Variants in MCF2L2 observed in about 807,000 individuals in gnomAD.
MCF2L2 encodes MCF.2 cell line derived transforming sequence-like 2, also known as probable guanine nucleotide exchange factor MCF2L2.
Under a neutral mutation model 150.2 loss-of-function variants are expected in MCF2L2, and 102 were observed. The ratio of observed to expected loss-of-function variants is 0.68; its 90% CI spans 0.58 to 0.80. MCF2L2 has a LOEUF of 0.80. Among genes scored for constraint, MCF2L2 ranks in the 30% least tolerant of loss-of-function variants. The pLI is 0.00. For missense variants in MCF2L2, 1,256 were observed against 1,372.8 expected (o/e 0.91, Z 1.34); for synonymous variants, 465 against 491.3 (o/e 0.95, Z 0.71).
chr3:183,257,970 T>TC (rs1725207906), intron 15 of MCF2L2, among the ~76,000 whole-genome samples: 1 of 137,250 alleles, frequency 7.3e-6, no homozygotes, highest in Non-Finnish European at 1.6e-5. Context: ...TTTTTTTTTT[T>TC]TTTTTTTTTT....
intron 15 of MCF2L2, among the ~76,000 whole-genome samples, chr3:183,242,342 G>C (rs1724063614): frequency 6.6e-6 from 1 of 152,060 alleles, no homozygotes; most frequent in Non-Finnish European, 1.5e-5. Context: ...GGCATGTCAA[G>C]GACCTTTGTG....
chr3:183,190,261 A>G (rs1300088603), intron 27 of MCF2L2, among the ~76,000 whole-genome samples: 1 of 152,174 alleles, frequency 6.6e-6, no homozygotes, highest in African/African-American at 2.4e-5. Context: ...GGTCTGAGCA[A>G]TCGAACTGCT....
Position 183,338,806 on chromosome 3 carries a change from T to C in MCF2L2, c.480A>G (p.Lys160=). Residue 160 remains lysine (K), a synonymous_variant, in exon 5 of 30, where the codon AAA becomes AAG. Coordinates refer to ENST00000328913, the MANE Select transcript of MCF2L2 (RefSeq NM_015078.4). The stretch of plus-strand genomic sequence containing the variant: ...GATGAAAGGTCTTGCTTACCGGCAC[T>C]TTCGTTTTAAACTCATTTCGATAGT... ...IKYYRNEFKT[K]VPIIMVNSVS... 1 of 1,598,724 alleles carries C rather than the reference T, an allele frequency of 6.3e-7. No individual in the cohort carries two copies.
rs11340213 is a variant in MCF2L2 at position 183,367,227 on chromosome 3, C to CTT, written c.275+12068_275+12069dup. Among the ~76,000 whole-genome samples, 379 of 140,456 alleles carry CTT rather than the reference C, an allele frequency of 2.7e-3. 2 individuals are homozygous for CTT. Among genetic ancestry groups the CTT allele is most frequent in the African/African-American group, 9.4e-3 (362 of 38,524 alleles). 92.1% of individuals were successfully genotyped at this position (140,456 alleles called of 152,430 possible). ...AATGATTTCTTTTCTTTCTTTCTTT[C>CTT]TTTTTTTTTTTTTTTGAGATGGAGT... On this transcript the variant is annotated intron_variant, in intron 3 of 29. Transcript: ENST00000328913.
chr3:183,345,333 G>A (rs113489556), intron 3 of MCF2L2, among the ~76,000 whole-genome samples: 7,169 of 152,144 alleles, frequency 0.047, 192 homozygotes, highest in East Asian at 0.12. Context: ...GGTAAATAAC[G>A]AAATTAAGGC....
intron 5 of MCF2L2, among the ~76,000 whole-genome samples, chr3:183,336,699 C>T (rs942724315): frequency 6.6e-6 from 1 of 151,232 alleles, no homozygotes; most frequent in Admixed American, 6.6e-5. Context: ...ACTAAAAATG[C>T]AAAAATTACC....
intron 23 of MCF2L2, among the ~76,000 whole-genome samples, chr3:183,206,919 AAGGAAGGAAGG>A (rs1428579404): frequency 1.8e-4 from 2 of 11,226 alleles, no homozygotes; most frequent in Admixed American, 9.4e-4. Context: ...GAAAGAAAGG[AAGGAAGGAAGG>A]AAGGAAGGAA....
intron 20 of MCF2L2, among the ~76,000 whole-genome samples, chr3:183,220,968 T>A (rs1723128244): frequency 6.6e-6 from 1 of 152,218 alleles, no homozygotes; most frequent in Non-Finnish European, 1.5e-5. Context: ...AAGCTATCAC[T>A]CATCACCCTC....
In MCF2L2 at chr3:183,179,125, C is replaced by T. The variant is rs1465289999; in HGVS notation, c.*255G>A. 2 of 398,844 alleles carry T rather than the reference C, an allele frequency of 5.0e-6. No homozygotes were observed. Among genetic ancestry groups the T allele is most frequent in the East Asian group, 7.5e-5 (2 of 26,746 alleles). 24.7% of individuals were successfully genotyped at this position (398,844 alleles called of 1,614,324 possible). ...GGCTCCGAATATCGAAGTGCGCGGT[C>T]GAGAAGGCGTGGGCTGCGGGCTCTG... On this transcript the variant is annotated 3_prime_UTR_variant, in exon 30 of 30. Coordinates refer to ENST00000328913, the MANE Select transcript of MCF2L2 (RefSeq NM_015078.4). This position sits in a 1 kb window ranked among gnomAD's most constrained non-coding sequence, Gnocchi z 4.2.
At chr3:183,196,742 C>G (rs559013020) in intron 25 of MCF2L2, among the ~76,000 whole-genome samples, 1 of 152,166 alleles carries the variant, frequency 6.6e-6, no homozygotes, top group African/African-American at 2.4e-5. Flanking sequence ...GCTTGCACAT[C>G]TGTAAAAGGA....
At chr3:183,296,818 C>T (rs560900034) in intron 12 of MCF2L2, 158 bp downstream of exon 12, 10 of 674,372 alleles carry the variant, frequency 1.5e-5, no homozygotes, top group African/African-American at 9.0e-5. Context: ...ACGTTCAGGC[C>T]GAGAGTCTAA....
chr3:183,322,027 C>A (rs978644994), intron 6 of MCF2L2, among the ~76,000 whole-genome samples: 1 of 152,246 alleles, frequency 6.6e-6, no homozygotes. Flanking sequence ...ACCTCTTTTG[C>A]AAGGGCACTA....
chr3:183,363,997 C>A (rs1712369608), intron 3 of MCF2L2, among the ~76,000 whole-genome samples: 1 of 152,034 alleles, frequency 6.6e-6, no homozygotes, highest in Non-Finnish European at 1.5e-5. Context: ...ATTAATAACT[C>A]TTTGGTAAAG....
At chr3:183,338,965 T>C (rs751669716) in intron 4 of MCF2L2, 46 bp from the exon 5 acceptor site, 13 of 1,571,502 alleles carry the variant, frequency 8.3e-6, no homozygotes, top group Non-Finnish European at 1.1e-5. Context: ...AAAAATGTCA[T>C]ATTCGTTACC....
Position 183,310,189 on chromosome 3 carries a change from C to T in MCF2L2, c.994-354G>A, listed in dbSNP as rs563836679. Reference sequence around the variant, plus strand: ...CAGCCTGGGCAACATAGGGAGACCTCGTCTCTGCAAAAATATTTAAAAATT... The same window carrying T: ...CAGCCTGGGCAACATAGGGAGACCTTGTCTCTGCAAAAATATTTAAAAATT... On this transcript the variant is annotated intron_variant, in intron 9 of 29. Coordinates refer to ENST00000328913, the MANE Select transcript of MCF2L2 (RefSeq NM_015078.4). Among the ~76,000 whole-genome samples the T allele has an allele frequency of 6.9e-4, 105 of 151,602 alleles. 1 individual carries two copies. Among genetic ancestry groups the T allele is most frequent in the African/African-American group, 2.5e-3 (103 of 41,334 alleles).
chr3:183,343,284 CTT>C (rs1329233571), intron 3 of MCF2L2, among the ~76,000 whole-genome samples: 1 of 151,900 alleles, frequency 6.6e-6, no homozygotes, highest in African/African-American at 2.4e-5. Context: ...CTAGAGCAGA[CTT>C]TTACATAAAG....
At chr3:183,416,646 A>G (rs1715602718) in intron 1 of MCF2L2, among the ~76,000 whole-genome samples, 1 of 152,210 alleles carries the variant, frequency 6.6e-6, no homozygotes, top group Non-Finnish European at 1.5e-5. Flanking sequence ...CAAAAGCAAT[A>G]TAATTGGCCC....
At chr3:183,404,277 C>T (rs897732604) in intron 1 of MCF2L2, among the ~76,000 whole-genome samples, 3 of 152,060 alleles carry the variant, frequency 2.0e-5, no homozygotes, top group African/African-American at 4.8e-5. Flanking sequence ...ATCTATCAAA[C>T]AAGCAAAAAT....
At chr3:183,217,294 CAAA>C (rs35973262) in intron 21 of MCF2L2, among the ~76,000 whole-genome samples, 4 of 15,204 alleles carry the variant, frequency 2.6e-4, no homozygotes, top group African/African-American at 9.8e-4. Context: ...AACCCCGTCT[CAAA>C]AAAAAAAAAA....
Sources: gnomAD v4.1 joint callset for allele counts (sites outside exome capture counted in the v4.1 genomes callset) on GRCh38, gnomAD v4.1.1 for gene constraint, Gnocchi (gnomAD v3.1) non-coding constraint, MANE v1.5 for transcripts, NCBI Gene and HGNC (gene_info 2026-07-23, HGNC 2026-07-21) for gene names.